HS3ST5: variants seen among roughly 807,000 people sequenced by gnomAD.
HS3ST5 encodes the protein heparan sulfate-glucosamine 3-sulfotransferase 5.
Under a neutral mutation model 25.4 loss-of-function variants are expected in HS3ST5, and 10 were observed. The ratio of observed to expected loss-of-function variants is 0.39; its 90% CI spans 0.24 to 0.67. The LOEUF (loss-of-function observed/expected upper bound fraction) is 0.67. HS3ST5 is among the 30% of genes least tolerant of loss of function. HS3ST5 has a pLI of 0.44. For synonymous variants in HS3ST5, 170 were observed against 162.4 expected (o/e 1.05, Z -0.36); for missense variants, 324 against 420.7 (o/e 0.77, Z 2.01).
At chr6:114,212,568 C>T (rs1781554920) in intron 2 of HS3ST5, among the ~76,000 whole-genome samples, 1 of 152,254 alleles carries the variant, frequency 6.6e-6, no homozygotes, top group Non-Finnish European at 1.5e-5. Context: ...TTAGATAATT[C>T]CCAGTATTAT....
At position 114,279,272 on chromosome 6, in the gene HS3ST5, A is replaced by G. The variant is rs147722203; in HGVS notation, c.-338-50494T>C. Among the ~76,000 whole-genome samples, 60 of 152,176 alleles carry G rather than the reference A, an allele frequency of 3.9e-4. 1 individual carries two copies. The highest frequency in any genetic ancestry group is 1.3e-3 in the African/African-American group (56 of 41,572). Reference sequence around the variant, plus strand: ...AAAAGCAAGTATATGCAATGTTACTAAAATGTAAAAGTGCTGCTTCAGGAA... The same window carrying G: ...AAAAGCAAGTATATGCAATGTTACTGAAATGTAAAAGTGCTGCTTCAGGAA... On this transcript the variant is annotated intron_variant, in intron 1 of 4. Transcript: ENST00000312719.
intron 3 of HS3ST5, among the ~76,000 whole-genome samples, chr6:114,135,314 G>A (rs762199410): frequency 4.6e-5 from 7 of 152,172 alleles, no homozygotes; most frequent in Admixed American, 2.6e-4. Flanking sequence ...TGATATATAC[G>A]TTAAGTCAGG....
At chr6:114,071,445 C>T (rs948154024) in intron 3 of HS3ST5, among the ~76,000 whole-genome samples, 1 of 152,186 alleles carries the variant, frequency 6.6e-6, no homozygotes, top group Non-Finnish European at 1.5e-5. Context: ...CTATATGGCA[C>T]CACAGCAGTC....
At chr6:114,280,993 A>G (rs1774081839) in intron 1 of HS3ST5, among the ~76,000 whole-genome samples, 1 of 152,022 alleles carries the variant, frequency 6.6e-6, no homozygotes, top group Admixed American at 6.6e-5. Flanking sequence ...AAGGCTTATA[A>G]GAAAGATAAG....
intron 3 of HS3ST5, among the ~76,000 whole-genome samples, chr6:114,137,126 G>A (rs750226231): frequency 1.3e-5 from 2 of 151,772 alleles, no homozygotes; most frequent in Non-Finnish European, 2.9e-5. Context: ...TCTGGATAAT[G>A]GCAGTATCCA....
chr6:114,131,559 A>G (rs950891453), intron 3 of HS3ST5, among the ~76,000 whole-genome samples: 1 of 152,220 alleles, frequency 6.6e-6, no homozygotes, highest in African/African-American at 2.4e-5. Flanking sequence ...ATGGTGTTAT[A>G]TCATGATTAA....
chr6:114,134,281 C>T (rs1250805207), intron 3 of HS3ST5, among the ~76,000 whole-genome samples: 1 of 152,148 alleles, frequency 6.6e-6, no homozygotes, highest in Non-Finnish European at 1.5e-5. Context: ...TGATTATTGC[C>T]ATCTGGTTAC....
At chr6:114,127,004 T>C (rs1326765220) in intron 3 of HS3ST5, among the ~76,000 whole-genome samples, 1 of 152,202 alleles carries the variant, frequency 6.6e-6, no homozygotes, top group African/African-American at 2.4e-5. Flanking sequence ...TAATGATATA[T>C]AAGAGGTCAT....
chr6:114,079,763 TTTC>T (rs1475916762), intron 3 of HS3ST5, among the ~76,000 whole-genome samples: 1 of 152,040 alleles, frequency 6.6e-6, no homozygotes, highest in Non-Finnish European at 1.5e-5. Flanking sequence ...ATGAAATATA[TTTC>T]TTTTCTTTTC....
chr6:114,336,660 T>A (rs1048520536), intron 1 of HS3ST5, among the ~76,000 whole-genome samples: 1 of 152,052 alleles, frequency 6.6e-6, no homozygotes, highest in African/African-American at 2.4e-5. Context: ...ACTATAAGAA[T>A]GAAGTAACTT....
chr6:114,188,847 T>C (rs938294962), intron 2 of HS3ST5, among the ~76,000 whole-genome samples: 4 of 152,164 alleles, frequency 2.6e-5, no homozygotes, highest in Non-Finnish European at 5.9e-5. Context: ...ACCATTCTCA[T>C]CTGAGTCACA....
At chr6:114,085,778 G>A (rs903896962) in intron 3 of HS3ST5, among the ~76,000 whole-genome samples, 1 of 152,098 alleles carries the variant, frequency 6.6e-6, no homozygotes, top group African/African-American at 2.4e-5. Context: ...TATATTTATA[G>A]ATTTAGACAT....
At chr6:114,188,801 A>G (rs1282439427) in intron 2 of HS3ST5, among the ~76,000 whole-genome samples, 1 of 152,152 alleles carries the variant, frequency 6.6e-6, no homozygotes, top group East Asian at 1.9e-4. Context: ...AGTGATTATT[A>G]TAACTATTAT....
intron 2 of HS3ST5, among the ~76,000 whole-genome samples, chr6:114,180,336 G>T (rs1779918001): frequency 6.6e-6 from 1 of 151,886 alleles, no homozygotes; most frequent in Admixed American, 6.6e-5. Context: ...TCTCTGCTTG[G>T]GCTGCCATAA....
chr6:114,196,243 A>C (rs1780747707), intron 2 of HS3ST5, among the ~76,000 whole-genome samples: 1 of 152,082 alleles, frequency 6.6e-6, no homozygotes, highest in African/African-American at 2.4e-5. Flanking sequence ...ATTGTGATGC[A>C]TTGGCGAGAC....
intron 1 of HS3ST5, among the ~76,000 whole-genome samples, chr6:114,274,312 C>T (rs376644716): frequency 2.0e-5 from 3 of 152,010 alleles, no homozygotes; most frequent in Admixed American, 6.6e-5. Context: ...AGGCTGATGA[C>T]GGACTCAGGA....
chr6:114,311,389 T>C (rs895504492), intron 1 of HS3ST5, among the ~76,000 whole-genome samples: 1 of 152,162 alleles, frequency 6.6e-6, no homozygotes, highest in African/African-American at 2.4e-5. Flanking sequence ...CGGTTATGGT[T>C]GATTTAAATT....
At chr6:114,146,998 C>T (rs544476351) in intron 3 of HS3ST5, among the ~76,000 whole-genome samples, 1 of 152,320 alleles carries the variant, frequency 6.6e-6, no homozygotes, top group East Asian at 1.9e-4. Context: ...GCTTTCATCA[C>T]TGGTATGGAT....
At chr6:114,104,677 AC>A (rs1467665595) in intron 3 of HS3ST5, among the ~76,000 whole-genome samples, 2 of 152,170 alleles carry the variant, frequency 1.3e-5, no homozygotes, top group African/African-American at 4.8e-5. Context: ...CTTTCTTTTC[AC>A]CCTACTTACT....
Sources: allele counts gnomAD v4.1 joint callset (sites outside exome capture counted in the v4.1 genomes callset), GRCh38; gene constraint gnomAD v4.1.1; transcripts MANE v1.5; gene names NCBI Gene and HGNC (gene_info 2026-07-23, HGNC 2026-07-21).